Variants in GPX8 observed in about 807,000 individuals in gnomAD.
GPX8 encodes glutathione peroxidase 8 (putative).
In GPX8, 12 loss-of-function variants were observed where a neutral mutation model predicts 17.8. The ratio of observed to expected loss-of-function variants is 0.67; its 90% CI spans 0.43 to 1.09. The LOEUF is 1.09. Ranked by LOEUF, GPX8 falls within the 50% of genes least tolerant of loss-of-function variation. The probability of loss-of-function intolerance (pLI) is 0.00; values close to 1 mark genes in which losing one functional copy is unlikely to be tolerated. For missense variants in GPX8, 209 were observed against 235.6 expected, an observed-to-expected ratio of 0.89 and a Z score of 0.74; for synonymous variants, 86 against 88.1, an observed-to-expected ratio of 0.98 and a Z score of 0.14.
chr5:55,164,196 T>TA lies in GPX8; in HGVS notation c.614dup (p.Lys206GlufsTer12), dbSNP rs1257310573. 12 of 1,555,942 alleles carry TA rather than the reference T, an allele frequency of 7.7e-6. No homozygotes were observed. The African/African-American group carries it at 1.1e-4, about 14-fold the overall frequency. ...GCAGCTCTGGTTAGACAAGTGATCA[T>TA]AAAAAAGAAAGAGGATCTATGAGAA... On this transcript the variant is annotated frameshift_variant, in exon 3 of 3. Transcript: ENST00000503787. LOFTEE classifies it high-confidence loss of function.
rs766955472 is a variant in GPX8, at chr5:55,161,053, G to C, written c.264G>C (p.Gly88=). 1.2e-5 allele frequency: 20 copies of C among 1,613,998 alleles called. No homozygotes were observed. In the African/African-American group the frequency reaches 2.3e-4, roughly 18 times the overall value. The change falls in exon 2 of 3, where the codon GGG becomes GGC. Residue 88 remains glycine (G), a synonymous_variant. Coordinates refer to ENST00000503787, the MANE Select transcript of GPX8 (RefSeq NM_001008397.4). ...DCQLTDRNYL[G]LKELHKEFGP... is the part of the protein sequence containing the mutation. ...AACTCACAGACAGAAATTACTTAGG[G>C]CTGAAGGAACTGCACAAAGAGTTTG...
rs765695124 is a variant in GPX8 at position 55,161,068 on chromosome 5, C to T, written c.279C>T (p.His93=). The T allele has an allele frequency of 5.0e-6, 8 of 1,614,154 alleles. No individual in the cohort carries two copies. Among genetic ancestry groups the T allele is most frequent in the Non-Finnish European group, 6.8e-6 (8 of 1,180,020 alleles). The change falls in exon 2 of 3, where the codon CAC becomes CAT. Residue 93 remains histidine, a synonymous_variant. Transcript: ENST00000503787. ...DRNYLGLKEL[H]KEFGPSHFSV... Reference sequence around the variant, plus strand: ...ATTACTTAGGGCTGAAGGAACTGCACAAAGAGTTTGGACCATCCCACTTCA... The same window carrying T: ...ATTACTTAGGGCTGAAGGAACTGCATAAAGAGTTTGGACCATCCCACTTCA...
chr5:55,160,369 T>G lies in GPX8; in HGVS notation c.177T>G (p.Thr59=). 1.9e-6 allele frequency: 3 copies of G among 1,612,886 alleles called. No homozygotes were observed. Among genetic ancestry groups the G allele is most frequent in the Non-Finnish European group, 8.5e-7 (1 of 1,179,876 alleles). ...AAGTGAAGGATGCAAAAGGAAGAAC[T>G]GTTTCTCTGGAAAAGTATAAAGGCA... ...AFEVKDAKGR[T]VSLEKYKGKV... Residue 59 remains threonine, a synonymous_variant, in exon 1 of 3, where the codon ACT becomes ACG. Transcript: ENST00000503787.
Position 55,164,168 on chromosome 5 carries a change from A to T in GPX8, c.580A>T (p.Ile194Leu). ...GCCCATTGAAGTCATCAGGCCTGACATAGCAGCTCTGGTTAGACAAGTGAT... is the reference window on the plus strand; with the variant it reads ...GCCCATTGAAGTCATCAGGCCTGACTTAGCAGCTCTGGTTAGACAAGTGAT... Reference protein sequence around the residue: ...EEPIEVIRPDIAALVRQVIIK... With the variant: ...EEPIEVIRPDLAALVRQVIIK... Residue 194 changes from isoleucine (I) to leucine (L), a missense_variant, in exon 3 of 3, where the codon ATA (isoleucine) becomes TTA (leucine). Coordinates refer to ENST00000503787, the MANE Select transcript of GPX8 (RefSeq NM_001008397.4). 2 of 1,596,416 alleles carry T rather than the reference A, an allele frequency of 1.3e-6. No individual in the cohort carries two copies. Among genetic ancestry groups the T allele is most frequent in the Non-Finnish European group, 1.7e-6 (2 of 1,168,236 alleles).
rs193134942 is a variant in GPX8, at chr5:55,162,209, A to G, written c.466+954A>G. Among the ~76,000 whole-genome samples the G allele has an allele frequency of 1.8e-3, 276 of 152,202 alleles. 2 individuals carry two copies. In the Middle Eastern group the frequency reaches 0.02, roughly 11 times the overall value. ...TCAGGAGTTAGAGACTAGCCTGGCC[A>G]ATATGGTGAAACCCCATCTCTATTA... On this transcript the variant is annotated intron_variant, in intron 2 of 2. Transcript: ENST00000503787.
rs1420149970 is a variant in GPX8 at position 55,160,365 on chromosome 5, G to A, written c.173G>A (p.Arg58Lys). The change falls in exon 1 of 3, where the codon AGA (arginine) becomes AAA (lysine). Residue 58 changes from arginine (R) to lysine (K), a missense_variant. Transcript: ENST00000503787. ...YAFEVKDAKG[R>K]TVSLEKYKGK... ...TTTGAAGTGAAGGATGCAAAAGGAA[G>A]AACTGTTTCTCTGGAAAAGTATAAA... 6.2e-7 allele frequency: 1 copy of A among 1,612,910 alleles called. No individual in the cohort carries two copies. The highest frequency in any genetic ancestry group is 8.5e-7 in the Non-Finnish European group (1 of 1,179,914).
chr5:55,166,542 G>A lies in GPX8; in HGVS notation c.*2324G>A, dbSNP rs1463210189. On this transcript the variant is annotated 3_prime_UTR_variant, in exon 3 of 3. Coordinates refer to ENST00000503787, the MANE Select transcript of GPX8 (RefSeq NM_001008397.4). ...ATTAGGCTATGTGTGCTGAGAGAGG[G>A]AGCGGAGTCATTTGCTGATGTGCTG... is the stretch of plus-strand genomic sequence containing the variant. The A allele has an allele frequency of 2.0e-5, 3 of 152,232 alleles. No individual in the cohort carries two copies. Among genetic ancestry groups the A allele is most frequent in the Non-Finnish European group, 4.4e-5 (3 of 68,070 alleles). 9.4% of individuals were successfully genotyped at this position (152,232 alleles called of 1,614,324 possible).
In GPX8 at chr5:55,163,002, C is replaced by T. The variant is rs139188549; in HGVS notation, c.467-1053C>T. The stretch of plus-strand genomic sequence containing the variant: ...GCTTCCATTTATCTCATCTGCAAAA[C>T]GGGGATGATAATAATACCCACCTCA... On this transcript the variant is annotated intron_variant, in intron 2 of 2. Coordinates refer to ENST00000503787, the MANE Select transcript of GPX8 (RefSeq NM_001008397.4). Among the ~76,000 whole-genome samples, 60 of 152,112 alleles carry T rather than the reference C, an allele frequency of 3.9e-4. No individual in the cohort carries two copies. In the South Asian group the frequency reaches 6.8e-3, roughly 17 times the overall value.
At position 55,164,169 on chromosome 5, in the gene GPX8, T is replaced by A; in HGVS notation, c.581T>A (p.Ile194Lys). ...CCCATTGAAGTCATCAGGCCTGACA[T>A]AGCAGCTCTGGTTAGACAAGTGATC... The part of the protein sequence containing the change: ...EEPIEVIRPD[I>K]AALVRQVIIK... The change falls in exon 3 of 3, where the codon ATA becomes AAA. Residue 194 changes from isoleucine (I) to lysine (K), a missense_variant. Transcript: ENST00000503787. The A allele has an allele frequency of 1.3e-6, 2 of 1,594,824 alleles. No individual in the cohort carries two copies. The highest frequency in any genetic ancestry group is 1.7e-6 in the Non-Finnish European group (2 of 1,167,416).
intron 2 of GPX8, among the ~76,000 whole-genome samples, chr5:55,162,927 T>C (rs1451290469): frequency 6.6e-6 from 1 of 152,180 alleles, no homozygotes; most frequent in Non-Finnish European, 1.5e-5. Flanking sequence ...AAAAGGCCCG[T>C]ATATCAATCC....
rs187806120 is a variant in GPX8 at position 55,161,863 on chromosome 5, T to C, written c.466+608T>C. Among the ~76,000 whole-genome samples the C allele has an allele frequency of 6.9e-3, 1,052 of 152,286 alleles. 5 individuals carry two copies. Among genetic ancestry groups the C allele is most frequent in the Non-Finnish European group, 0.01 (709 of 68,008 alleles). On this transcript the variant is annotated intron_variant, in intron 2 of 2. Transcript: ENST00000503787. Reference sequence around the variant, plus strand: ...CACTTAGCACAAAGGTCATGAGGCATACAGACAGCATAGGCTTTGGCCTCA... The same window carrying C: ...CACTTAGCACAAAGGTCATGAGGCACACAGACAGCATAGGCTTTGGCCTCA...
In GPX8 at chr5:55,164,169, T is replaced by C. The variant is rs769065331; in HGVS notation, c.581T>C (p.Ile194Thr). 3 of 1,594,824 alleles carry C rather than the reference T, an allele frequency of 1.9e-6. No individual in the cohort carries two copies. The highest frequency in any genetic ancestry group is 1.7e-4 in the Middle Eastern group (1 of 5,988). Residue 194 changes from isoleucine (I) to threonine (T), a missense_variant, in exon 3 of 3, where the codon ATA becomes ACA. Physicochemically the swap from Ile to Thr is moderately conservative, Grantham distance 89. Transcript: ENST00000503787. ...CCCATTGAAGTCATCAGGCCTGACATAGCAGCTCTGGTTAGACAAGTGATC... is the reference window on the plus strand; with the variant it reads ...CCCATTGAAGTCATCAGGCCTGACACAGCAGCTCTGGTTAGACAAGTGATC... ...EEPIEVIRPDIAALVRQVIIK... is the reference protein window; with the variant it reads ...EEPIEVIRPDTAALVRQVIIK...
rs530647839 is a variant in GPX8, at chr5:55,161,395, A to G, written c.466+140A>G. On this transcript the variant is annotated intron_variant, in intron 2 of 2. Coordinates refer to ENST00000503787, the MANE Select transcript of GPX8 (RefSeq NM_001008397.4). ...ACTATCATCAAAGAGCCAGAATCTCATCCTTTGTAACTTCTAGGAGTTATG... is the reference window on the plus strand; with the variant it reads ...ACTATCATCAAAGAGCCAGAATCTCGTCCTTTGTAACTTCTAGGAGTTATG... 7.8e-5 allele frequency: 63 copies of G among 804,984 alleles called. No homozygotes were observed. In the African/African-American group the frequency reaches 9.5e-4, roughly 12 times the overall value. 49.9% of individuals were successfully genotyped at this position (804,984 alleles called of 1,614,324 possible).
At chr5:55,162,867 A>C (rs1744155351) in intron 2 of GPX8, among the ~76,000 whole-genome samples, 1 of 152,204 alleles carries the variant, frequency 6.6e-6, no homozygotes, top group Admixed American at 6.5e-5. Flanking sequence ...CATTCCACTT[A>C]GATAGGAAGG....
In GPX8 at chr5:55,160,327, C is replaced by T; in HGVS notation, c.135C>T (p.Asn45=). Residue 45 remains asparagine, a synonymous_variant, in exon 1 of 3, where the codon AAC becomes AAT. Transcript: ENST00000503787. Reference sequence around the variant, plus strand: ...TAAAATTCCTCAAACCTAAAATCAACAGCTTTTATGCCTTTGAAGTGAAGG... The same window carrying T: ...TAAAATTCCTCAAACCTAAAATCAATAGCTTTTATGCCTTTGAAGTGAAGG... ...LQLKFLKPKI[N]SFYAFEVKDA... is the part of the protein sequence containing the mutation. The T allele has an allele frequency of 6.2e-7, 1 of 1,613,810 alleles. No homozygotes were observed. The highest frequency in any genetic ancestry group is 1.3e-5 in the African/African-American group (1 of 75,052).
rs187761039 is a variant in GPX8, at chr5:55,162,961, G to A, written c.467-1094G>A. ...CCTGGCTCAACCACTCATTAGCCAC[G>A]TGACCTTGTGTCTAGGCTTCCATTT... On this transcript the variant is annotated intron_variant, in intron 2 of 2. Coordinates refer to ENST00000503787, the MANE Select transcript of GPX8 (RefSeq NM_001008397.4). 1.4e-4 allele frequency among the ~76,000 whole-genome samples: 21 copies of A among 152,254 alleles called. No individual in the cohort carries two copies. In the East Asian group the frequency reaches 3.5e-3, roughly 25 times the overall value.
At chr5:55,162,326 C>G (rs1356486696) in intron 2 of GPX8, among the ~76,000 whole-genome samples, 2 of 152,114 alleles carry the variant, frequency 1.3e-5, no homozygotes, top group African/African-American at 4.8e-5. Flanking sequence ...AACCCAGAGG[C>G]AGAGGTTGCA....
At chr5:55,160,709 T>C (rs1174389709) in intron 1 of GPX8, 1 of 456,404 alleles carries the variant, frequency 2.2e-6, no homozygotes, top group African/African-American at 2.0e-5. Flanking sequence ...TTCTATAATC[T>C]AATAACTTTA....
In GPX8 at chr5:55,164,242, A is replaced by G; in HGVS notation, c.*24A>G. The G allele has an allele frequency of 6.7e-7, 1 of 1,489,556 alleles. No individual in the cohort carries two copies. The allele number at this position is 1,489,556 out of a possible 1,614,324, so 92.3% of individuals were successfully genotyped here. A position where few individuals can be genotyped will look rare whatever the true frequency, so the allele number is the denominator to read the frequency against. ...GAGAATGCCATTGCGTTTCTAATAG[A>G]ACAGAGAAATGTCTCCATGAGGGTT... On this transcript the variant is annotated 3_prime_UTR_variant, in exon 3 of 3. Coordinates refer to ENST00000503787, the MANE Select transcript of GPX8 (RefSeq NM_001008397.4).
Sources: gnomAD v4.1 joint callset for allele counts (sites outside exome capture counted in the v4.1 genomes callset) on GRCh38, gnomAD v4.1.1 for gene constraint, MANE v1.5 for transcripts, NCBI Gene and HGNC (gene_info 2026-07-23, HGNC 2026-07-21) for gene names.